The following ZNRF3 variants were observed in gnomAD, a reference collection of about 807,000 sequenced individuals.
ZNRF3 encodes the protein zinc and ring finger 3, also known as E3 ubiquitin-protein ligase ZNRF3.
Under a neutral mutation model 72.5 loss-of-function variants are expected in ZNRF3, and 23 were observed. The observed-to-expected ratio is 0.32, with a 90% CI of 0.23 to 0.45. ZNRF3 has a LOEUF of 0.45. Among genes scored for constraint, ZNRF3 ranks in the 20% least tolerant of loss-of-function variants. The probability of loss-of-function intolerance (pLI) is 1.00; values close to 1 mark genes in which losing one functional copy is unlikely to be tolerated. For synonymous variants in ZNRF3, 610 were observed against 545.3 expected, an observed-to-expected ratio of 1.12 and a Z score of -1.65; for missense variants, 1,169 against 1,272.1, an observed-to-expected ratio of 0.92 and a Z score of 1.23.
At chr22:28,930,080 C>G (rs1053478713) in intron 1 of ZNRF3, among the ~76,000 whole-genome samples, 12 of 152,072 alleles carry the variant, frequency 7.9e-5, no homozygotes, top group African/African-American at 2.7e-4. Flanking sequence ...GTAAAGCTAT[C>G]AGGAACTATC....
intron 1 of ZNRF3, among the ~76,000 whole-genome samples, chr22:28,892,744 T>C: frequency 6.6e-6 from 1 of 152,224 alleles, no homozygotes; most frequent in Admixed American, 6.5e-5. Flanking sequence ...GCAGCCAGTG[T>C]AATATAGTTG....
intron 1 of ZNRF3, among the ~76,000 whole-genome samples, chr22:28,887,831 T>C (rs1325988263): frequency 1.3e-5 from 2 of 152,224 alleles, no homozygotes; most frequent in Non-Finnish European, 2.9e-5. Flanking sequence ...ACTTTCAGAC[T>C]TGGCTGTGCA....
chr22:28,902,635 A>C (rs1312857214), intron 1 of ZNRF3, among the ~76,000 whole-genome samples: 1 of 152,158 alleles, frequency 6.6e-6, no homozygotes, highest in Non-Finnish European at 1.5e-5. Flanking sequence ...CAGAGTGCTG[A>C]GTCTGGAGCC....
At position 29,050,189 on chromosome 22, in the gene ZNRF3, A is replaced by C; in HGVS notation, c.2008A>C (p.Asn670His). 6.2e-7 allele frequency: 1 copy of C among 1,601,658 alleles called. No individual in the cohort carries two copies. The highest frequency in any genetic ancestry group is 8.5e-7 in the Non-Finnish European group (1 of 1,179,844). The change falls in exon 8 of 9, where the codon AAC becomes CAC. Residue 670 changes from asparagine to histidine, a missense_variant. By Grantham distance (68) the Asn-to-His change is moderately conservative. Coordinates refer to ENST00000544604, the MANE Select transcript of ZNRF3 (RefSeq NM_001206998.2). ...CAGCCTGGAGATGAACTACAGCAGC[A>C]ACTCCTCCCTGGAGCACAGGGGGCC... Reference protein sequence around the residue: ...TCSLEMNYSSNSSLEHRGPNS... With the variant: ...TCSLEMNYSSHSSLEHRGPNS...
intron 1 of ZNRF3, among the ~76,000 whole-genome samples, chr22:28,958,460 T>TA (rs1250151741): frequency 3.3e-5 from 5 of 152,124 alleles, no homozygotes; most frequent in African/African-American, 1.2e-4. Flanking sequence ...CGGGCGGTGT[T>TA]AGAGTGTCTT....
chr22:29,048,409 T>C lies in ZNRF3; in HGVS notation c.933T>C (p.Cys311=), dbSNP rs2037114319. 6.2e-7 allele frequency: 1 copy of C among 1,614,042 alleles called. No homozygotes were observed. Among genetic ancestry groups the C allele is most frequent in the Admixed American group, 1.7e-5 (1 of 60,006 alleles). The part of the protein sequence containing the change: ...IDGEELRVIP[C]THRFHRKCVD... ...CCCAGGAGCTGCGGGTCATCCCCTG[T>C]ACTCACCGGTTTCACAGGAAGTGCG... The change falls in exon 7 of 9, where the codon TGT becomes TGC. Residue 311 remains cysteine, a synonymous_variant. Transcript: ENST00000544604. The surrounding 1 kb of genome is among the most constrained non-coding windows in gnomAD (Gnocchi z 4.9).
intron 1 of ZNRF3, among the ~76,000 whole-genome samples, chr22:28,944,926 CAAAT>C (rs71316875): frequency 0.58 from 82,583 of 143,370 alleles, 25,220 homozygotes; most frequent in Admixed American, 0.69. Context: ...ACTCCGTCTC[CAAAT>C]AAATAAATAA....
intron 1 of ZNRF3, among the ~76,000 whole-genome samples, chr22:28,935,884 A>G (rs150542635): frequency 6.6e-6 from 1 of 152,268 alleles, no homozygotes; most frequent in African/African-American, 2.4e-5. Flanking sequence ...AGAGGTGAGT[A>G]GATGATGCAT....
intron 1 of ZNRF3, among the ~76,000 whole-genome samples, chr22:28,931,378 C>T (rs531562812): frequency 6.6e-6 from 1 of 152,262 alleles, no homozygotes; most frequent in East Asian, 1.9e-4. Context: ...TGTAACCTTG[C>T]TCCCTGGGCC....
intron 1 of ZNRF3, among the ~76,000 whole-genome samples, chr22:28,962,170 A>G (rs1393393393): frequency 6.6e-6 from 1 of 152,242 alleles, no homozygotes; most frequent in Non-Finnish European, 1.5e-5. Flanking sequence ...ACCGCATCCC[A>G]ACTGCTCAAT....
intron 1 of ZNRF3, among the ~76,000 whole-genome samples, chr22:28,924,094 T>G (rs2034558174): frequency 6.6e-6 from 1 of 152,250 alleles, no homozygotes; most frequent in African/African-American, 2.4e-5. Flanking sequence ...AGCTCTCTGC[T>G]GATGTAATCG....
At chr22:29,001,059 C>A (rs1352678923) in intron 2 of ZNRF3, among the ~76,000 whole-genome samples, 1 of 77,898 alleles carries the variant, frequency 1.3e-5, no homozygotes. Context: ...AAAGCTTTGC[C>A]TTTTTTTTTT....
At chr22:28,913,287 G>A (rs978961171) in intron 1 of ZNRF3, among the ~76,000 whole-genome samples, 1 of 152,258 alleles carries the variant, frequency 6.6e-6, no homozygotes, top group African/African-American at 2.4e-5. Flanking sequence ...ATTCTGCACA[G>A]TAGTGAATTA....
intron 1 of ZNRF3, among the ~76,000 whole-genome samples, chr22:28,980,343 A>G (rs2035744028): frequency 6.6e-6 from 1 of 152,256 alleles, no homozygotes; most frequent in African/African-American, 2.4e-5. Context: ...GCCATGTAAC[A>G]AAATCACACT....
intron 1 of ZNRF3, among the ~76,000 whole-genome samples, chr22:28,946,106 G>T (rs192791558): frequency 6.6e-6 from 1 of 152,160 alleles, no homozygotes; most frequent in African/African-American, 2.4e-5. Context: ...CAACTGGTCC[G>T]TATAATGCAA....
intron 2 of ZNRF3, among the ~76,000 whole-genome samples, chr22:29,023,124 A>G (rs1173140354): frequency 2.0e-5 from 3 of 152,238 alleles, no homozygotes. Context: ...TTGAAATAAT[A>G]CACAAAATGT....
At chr22:28,947,625 C>A (rs1302444975) in intron 1 of ZNRF3, among the ~76,000 whole-genome samples, 3 of 152,168 alleles carry the variant, frequency 2.0e-5, no homozygotes, top group Admixed American at 6.5e-5. Flanking sequence ...TGACGTTGAG[C>A]ATCTTTTCAT....
Position 29,050,262 on chromosome 22 carries a change from C to A in ZNRF3, c.2081C>A (p.Ala694Asp), listed in dbSNP as rs1411254839. The change falls in exon 8 of 9, where the codon GCC becomes GAC. Residue 694 changes from alanine (A) to aspartate (D), a missense_variant. This residue lies in a region of ZNRF3 where 783 missense variants were observed against 731.4 expected (regional missense o/e 1.07). Coordinates refer to ENST00000544604, the MANE Select transcript of ZNRF3 (RefSeq NM_001206998.2). ...EVGLEASPGA[A>D]PDLRRTWKGG... ...GGGCTCGAGGCTTCTCCTGGGGCCG[C>A]CCCTGACCTCAGGAGGACCTGGAAG... 2 of 1,598,348 alleles carry A rather than the reference C, an allele frequency of 1.3e-6. No individual in the cohort carries two copies. Among genetic ancestry groups the A allele is most frequent in the African/African-American group, 2.7e-5 (2 of 74,910 alleles).
At chr22:29,021,548 C>T (rs2036539942) in intron 2 of ZNRF3, among the ~76,000 whole-genome samples, 1 of 150,326 alleles carries the variant, frequency 6.7e-6, no homozygotes, top group African/African-American at 2.5e-5. Flanking sequence ...AGTGCAGTGG[C>T]GAGATCTCGG....
Sources: allele counts gnomAD v4.1 joint callset (sites outside exome capture counted in the v4.1 genomes callset), GRCh38; gene constraint gnomAD v4.1.1; regional missense constraint gnomAD v4.1.1; non-coding constraint Gnocchi (gnomAD v3.1); transcripts MANE v1.5; gene names NCBI Gene and HGNC (gene_info 2026-07-23, HGNC 2026-07-21).